Variants in PAOX observed in about 807,000 individuals in gnomAD.
PAOX encodes polyamine oxidase.
A neutral mutation model predicts 39.0 loss-of-function variants in PAOX; 38 were observed. That is an observed-to-expected ratio of 0.97 (90% CI 0.75 to 1.28). The LOEUF (loss-of-function observed/expected upper bound fraction) is 1.28, where lower values mean the gene tolerates loss of function less well. Among genes scored for constraint, PAOX ranks in the 50% most tolerant of loss-of-function variants. PAOX has a pLI of 0.00. For synonymous variants in PAOX, 311 were observed against 314.4 expected (o/e 0.99, Z 0.11); for missense variants, 667 against 685.7 (o/e 0.97, Z 0.30).
At position 133,384,185 on chromosome 10, in the gene PAOX, T is replaced by C. The variant is rs540263187; in HGVS notation, c.1094T>C (p.Ile365Thr). The C allele has an allele frequency of 1.9e-5, 31 of 1,613,996 alleles. No individual in the cohort carries two copies. The Admixed American group carries it at 3.8e-4, about 20-fold the overall frequency. ...ELQDAWFRKL[I>T]GFVVLPAFAS... ...CAGGACGCCTGGTTCCGGAAGCTCA[T>C]TGGCTTTGTGGTCCTGCCTGCCTTT... Residue 365 changes from isoleucine (I) to threonine (T), a missense_variant, in exon 4 of 7, where the codon ATT (isoleucine) becomes ACT (threonine). By Grantham distance (89) the Ile-to-Thr change is moderately conservative (BLOSUM62 -1). Transcript: ENST00000278060. This position sits in a 1 kb window ranked among gnomAD's most constrained non-coding sequence, Gnocchi z 4.3.
intron 1 of PAOX, chr10:133,379,715 A>C: frequency 1.9e-6 from 1 of 528,630 alleles, no homozygotes; most frequent in Non-Finnish European, 3.0e-6. Flanking sequence ...CTACGGCTCC[A>C]CAAGGCCGCC....
At position 133,389,617 on chromosome 10, in the gene PAOX, G is replaced by C. The variant is rs771100131; in HGVS notation, c.1262G>C (p.Ser421Thr). The stretch of plus-strand genomic sequence containing the variant: ...AACCCACGGCTCCCCGCGCCCAAGA[G>C]CGTCCTGCGGTCTCGCTGGCACAGC... Reference protein sequence around the residue: ...TGNPRLPAPKSVLRSRWHSAP... With the variant: ...TGNPRLPAPKTVLRSRWHSAP... Residue 421 changes from serine to threonine, a missense_variant, in exon 6 of 7, where the codon AGC (serine) becomes ACC (threonine). Physicochemically the swap from Ser to Thr is moderately conservative, Grantham distance 58. Transcript: ENST00000278060. 3.1e-6 allele frequency: 5 copies of C among 1,613,720 alleles called. No homozygotes were observed. In the Admixed American group the frequency reaches 8.3e-5, roughly 27 times the overall value.
At position 133,389,686 on chromosome 10, in the gene PAOX, G is replaced by C. The variant is rs1348289804; in HGVS notation, c.1331G>C (p.Ser444Thr). 2.5e-6 allele frequency: 4 copies of C among 1,604,908 alleles called. No homozygotes were observed. Among genetic ancestry groups the C allele is most frequent in the Non-Finnish European group, 3.4e-6 (4 of 1,174,190 alleles). The change falls in exon 6 of 7, where the codon AGT becomes ACT. Residue 444 changes from serine (S) to threonine (T), a missense_variant. Coordinates refer to ENST00000278060, the MANE Select transcript of PAOX (RefSeq NM_152911.4). ...RGSYSYVAVG[S>T]TGGDLDLLAQ... ...TCCTACAGCTACGTGGCCGTGGGCA[G>C]TACTGGGGGCGACCTGGACCTGCTG... is the stretch of plus-strand genomic sequence containing the variant.
intron 5 of PAOX, 119 bp downstream of exon 5, chr10:133,389,187 A>T: frequency 1.3e-6 from 1 of 791,972 alleles, no homozygotes; most frequent in South Asian, 1.5e-5. Context: ...GTACATCTCC[A>T]GGGACCATCC....
At chr10:133,385,874 C>T (rs1291501919) in intron 4 of PAOX, among the ~76,000 whole-genome samples, 2 of 152,142 alleles carry the variant, frequency 1.3e-5, no homozygotes, top group African/African-American at 2.4e-5. Flanking sequence ...TGAGCCACCG[C>T]ACCCAGTCAC....
intron 4 of PAOX, among the ~76,000 whole-genome samples, chr10:133,387,036 T>C (rs982322805): frequency 6.6e-6 from 1 of 152,176 alleles, no homozygotes; most frequent in African/African-American, 2.4e-5. Flanking sequence ...TCCAGCACTT[T>C]GGGAGGCCAA....
chr10:133,379,976 TGGC>T lies in PAOX; in HGVS notation c.182-22_182-20del. The stretch of plus-strand genomic sequence containing the variant: ...CCCTTCTAGGAAAGGGACCTCCAGG[TGGC>T]ATCTGCTGTCCCCTCGCAGGTGGCG... On this transcript the variant is annotated intron_variant, in intron 1 of 6. Coordinates refer to ENST00000278060, the MANE Select transcript of PAOX (RefSeq NM_152911.4). The T allele has an allele frequency of 6.6e-7, 1 of 1,505,772 alleles. No individual in the cohort carries two copies. The highest frequency in any genetic ancestry group is 1.3e-5 in the South Asian group (1 of 74,856). 93.3% of individuals were successfully genotyped at this position (1,505,772 alleles called of 1,614,324 possible).
rs749893015 is a variant in PAOX, at chr10:133,389,635, G to A, written c.1280G>A (p.Trp427Ter). 1 of 1,613,470 alleles carries A rather than the reference G, an allele frequency of 6.2e-7. No individual in the cohort carries two copies. Among genetic ancestry groups the A allele is most frequent in the African/African-American group, 1.3e-5 (1 of 74,954 alleles). ...CCCAAGAGCGTCCTGCGGTCTCGCTGGCACAGCGCCCCGTACACTAGGGGG... is the reference window on the plus strand; with the variant it reads ...CCCAAGAGCGTCCTGCGGTCTCGCTAGCACAGCGCCCCGTACACTAGGGGG... ...PAPKSVLRSR[W>*]HSAPYTRGSY... Residue 427 changes from tryptophan to a stop codon, truncating the protein, a stop_gained, in exon 6 of 7, where the codon TGG (tryptophan) becomes TAG (stop). Transcript: ENST00000278060. LOFTEE classifies it high-confidence loss of function.
chr10:133,380,501 C>A lies in PAOX; in HGVS notation c.668+16C>A. 1.3e-6 allele frequency: 2 copies of A among 1,547,410 alleles called. No homozygotes were observed. Among genetic ancestry groups the A allele is most frequent in the South Asian group, 2.4e-5 (2 of 83,408 alleles). Reference sequence around the variant, plus strand: ...CCTTTTCTAAGTGCGTGCCTGAGCCCCTGCCCCGCCAGTCCTCCCACCAGG... The same window carrying A: ...CCTTTTCTAAGTGCGTGCCTGAGCCACTGCCCCGCCAGTCCTCCCACCAGG... On this transcript the variant is annotated intron_variant, in intron 2 of 6. Transcript: ENST00000278060.
intron 2 of PAOX, 87 bp downstream of exon 2, chr10:133,380,572 A>G (rs1025591633): frequency 1.4e-6 from 2 of 1,458,394 alleles, no homozygotes; most frequent in Non-Finnish European, 1.8e-6. Flanking sequence ...TTGCTTGGGT[A>G]TGGGAGGGAC....
rs768418097 is a variant in PAOX, at chr10:133,391,301, C to A, written c.1393-11C>A. ...TTGCATCCCCATTCTAACCCTGGCT[C>A]TTCTTTGCAGCTCCAGATCCTGTTT... On this transcript the variant is annotated splice_polypyrimidine_tract_variant and intron_variant, in intron 6 of 6. Transcript: ENST00000278060. The A allele has an allele frequency of 6.2e-7, 1 of 1,613,118 alleles. No homozygotes were observed. Among genetic ancestry groups the A allele is most frequent in the Non-Finnish European group, 8.5e-7 (1 of 1,179,718 alleles).
rs1849377034 is a variant in PAOX, at chr10:133,381,500, C to A, written c.709C>A (p.Pro237Thr). The A allele has an allele frequency of 6.2e-7, 1 of 1,613,588 alleles. No homozygotes were observed. The highest frequency in any genetic ancestry group is 1.3e-5 in the African/African-American group (1 of 74,936). The part of the protein sequence containing the change: ...GLTNCMMAAL[P>T]EDTVVFEKPV... ...CACAAACTGCATGATGGCCGCCCTG[C>A]CGGAGGACACTGTAGTTTTTGAGAA... Residue 237 changes from proline to threonine, a missense_variant, in exon 3 of 7, where the codon CCG becomes ACG. Transcript: ENST00000278060.
chr10:133,383,001 T>C (rs1443346739), intron 3 of PAOX: 1 of 152,108 alleles, frequency 6.6e-6, no homozygotes, highest in Non-Finnish European at 1.5e-5. Flanking sequence ...GATACATTGC[T>C]ACAACTGTGA....
chr10:133,386,624 A>G (rs1030434325), intron 4 of PAOX, among the ~76,000 whole-genome samples: 3 of 151,322 alleles, frequency 2.0e-5, no homozygotes, highest in South Asian at 4.2e-4. Flanking sequence ...ACAGGTGCCC[A>G]CCACCACACC....
At chr10:133,380,629 C>T (rs1849339908) in intron 2 of PAOX, 144 bp downstream of exon 2, 2 of 1,238,070 alleles carry the variant, frequency 1.6e-6, no homozygotes, top group Admixed American at 5.8e-5. Context: ...TTGCTCCTTT[C>T]CCTAGTTTTG....
intron 2 of PAOX, 26 bp from the exon 3 acceptor site, chr10:133,381,434 C>G: frequency 6.2e-7 from 1 of 1,610,512 alleles, no homozygotes; most frequent in Non-Finnish European, 8.5e-7. Context: ...TGGGCCTCTA[C>G]GAAACCAGCA....
intron 5 of PAOX, 138 bp from the exon 6 acceptor site, chr10:133,389,452 C>T: frequency 1.5e-6 from 2 of 1,299,550 alleles, no homozygotes; most frequent in Admixed American, 4.0e-5. Context: ...AGAGCCTCTC[C>T]TGACACACTC....
rs1414743987 is a variant in PAOX, at chr10:133,380,465, G to T, written c.648G>T (p.Gly216=). ...APFGEYTVLP[G]LDCTFSKGYQ... Reference sequence around the variant, plus strand: ...TTGGGGAGTATACCGTGCTGCCGGGGCTGGACTGCACCTTTTCTAAGTGCG... The same window carrying T: ...TTGGGGAGTATACCGTGCTGCCGGGTCTGGACTGCACCTTTTCTAAGTGCG... Residue 216 remains glycine (G), a synonymous_variant, in exon 2 of 7, where the codon GGG becomes GGT. Coordinates refer to ENST00000278060, the MANE Select transcript of PAOX (RefSeq NM_152911.4). 6.2e-7 allele frequency: 1 copy of T among 1,609,590 alleles called. No homozygotes were observed. The highest frequency in any genetic ancestry group is 8.5e-7 in the Non-Finnish European group (1 of 1,179,742).
chr10:133,390,538 C>G (rs548126605), intron 6 of PAOX, among the ~76,000 whole-genome samples: 3 of 152,260 alleles, frequency 2.0e-5, no homozygotes, highest in African/African-American at 7.2e-5. Context: ...GACTGCACCA[C>G]TGGACTCCAG....
Sources: gnomAD v4.1 joint callset for allele counts (sites outside exome capture counted in the v4.1 genomes callset) on GRCh38, gnomAD v4.1.1 for gene constraint, Gnocchi (gnomAD v3.1) non-coding constraint, MANE v1.5 for transcripts, NCBI Gene and HGNC (gene_info 2026-07-23, HGNC 2026-07-21) for gene names.